The following KDM3B variants were observed in gnomAD, a reference collection of about 807,000 sequenced individuals.
KDM3B encodes lysine-specific demethylase 3B.
KDM3B carries 10 observed loss-of-function variants against 170.0 expected under a neutral mutation model. The ratio of observed to expected loss-of-function variants is 0.06; its 90% CI spans 0.04 to 0.10. The LOEUF is 0.10. Ranked by LOEUF, KDM3B falls within the 10% of genes least tolerant of loss-of-function variation. The pLI, the probability that KDM3B is intolerant of heterozygous loss-of-function variation, is 1.00. For missense variants in KDM3B, 1,394 were observed against 2,195.2 expected (o/e 0.64, Z 7.29); for synonymous variants, 831 against 834.8 (o/e 1.00, Z 0.08).
chr5:138,399,398 C>A (rs1383285469), intron 10 of KDM3B, among the ~76,000 whole-genome samples: 1 of 151,656 alleles, frequency 6.6e-6, no homozygotes, highest in Non-Finnish European at 1.5e-5. Context: ...ATTAGCTGGG[C>A]TTGGTGGCGG....
chr5:138,365,311 A>G (rs1195518000), intron 1 of KDM3B, among the ~76,000 whole-genome samples: 1 of 151,744 alleles, frequency 6.6e-6, no homozygotes, highest in African/African-American at 2.4e-5. Context: ...CCCAGCCTGG[A>G]GTACGATGGG....
intron 1 of KDM3B, among the ~76,000 whole-genome samples, chr5:138,361,671 A>G (rs1290835179): frequency 6.6e-6 from 1 of 152,094 alleles, no homozygotes; most frequent in Non-Finnish European, 1.5e-5. Flanking sequence ...TCCTTCTTTA[A>G]ACTTTTCTTT....
At chr5:138,382,177 G>A (rs1441736677) in intron 6 of KDM3B, among the ~76,000 whole-genome samples, 5 of 152,174 alleles carry the variant, frequency 3.3e-5, no homozygotes, top group Admixed American at 2.6e-4. Context: ...GCCAGGTGCA[G>A]TGGCTCACGC....
intron 11 of KDM3B, among the ~76,000 whole-genome samples, chr5:138,402,805 C>G (rs1199776892): frequency 1.3e-5 from 2 of 152,194 alleles, no homozygotes; most frequent in Admixed American, 6.5e-5. Context: ...GGCACAGTTT[C>G]TAGGCTACAG....
chr5:138,422,974 C>T (rs1763310645), intron 15 of KDM3B, among the ~76,000 whole-genome samples: 1 of 152,130 alleles, frequency 6.6e-6, no homozygotes, highest in African/African-American at 2.4e-5. Context: ...CAGTCTCACT[C>T]TGTTGCCCAA....
intron 2 of KDM3B, 145 bp from the exon 3 acceptor site, chr5:138,374,948 T>C (rs771962934): frequency 3.3e-4 from 186 of 557,644 alleles, no homozygotes; most frequent in Non-Finnish European, 5.2e-4. Context: ...AGGTTGGGAA[T>C]GTTTCCAAGG....
chr5:138,415,361 C>T (rs930182350), intron 12 of KDM3B, 122 bp downstream of exon 12: 7 of 545,586 alleles, frequency 1.3e-5, no homozygotes, highest in Non-Finnish European at 2.3e-5. Flanking sequence ...TCAGATTTCT[C>T]TGAGAATTTG....
Position 138,436,471 on chromosome 5 carries a change from A to G in KDM3B, c.*771A>G, listed in dbSNP as rs1176209088. ...GATTTTTAGAAATCAGCTACCCATT[A>G]TAGCACAAAATCAGCCAAAGCAGAA... On this transcript the variant is annotated 3_prime_UTR_variant, in exon 24 of 24. Transcript: ENST00000314358. The G allele has an allele frequency of 1.3e-5, 2 of 152,256 alleles. No individual in the cohort carries two copies. The highest frequency in any genetic ancestry group is 2.9e-5 in the Non-Finnish European group (2 of 68,052). 9.4% of individuals were successfully genotyped at this position (152,256 alleles called of 1,614,324 possible).
chr5:138,420,976 G>A lies in KDM3B; in HGVS notation c.3972+14G>A, dbSNP rs1288213800. On this transcript the variant is annotated intron_variant, in intron 15 of 23. Transcript: ENST00000314358. The stretch of plus-strand genomic sequence containing the variant: ...ACATCCTCAGCAGTAAGTGTCCTCT[G>A]CAACTGTAGCCTTTTCAGCTTTTCC... 6.2e-7 allele frequency: 1 copy of A among 1,613,404 alleles called. No individual in the cohort carries two copies. The highest frequency in any genetic ancestry group is 8.5e-7 in the Non-Finnish European group (1 of 1,179,522).
Position 138,427,187 on chromosome 5 carries a change from A to G in KDM3B, c.4503-2A>G. 6.2e-7 allele frequency: 1 copy of G among 1,610,768 alleles called. No individual in the cohort carries two copies. Among genetic ancestry groups the G allele is most frequent in the Non-Finnish European group, 8.5e-7 (1 of 1,177,080 alleles). On this transcript the variant is annotated splice_acceptor_variant, in intron 18 of 23. Coordinates refer to ENST00000314358, the MANE Select transcript of KDM3B (RefSeq NM_016604.4). LOFTEE classifies it high-confidence loss of function. Reference sequence around the variant, plus strand: ...TAAGTCATCTTTCCTGCACTTTTATAGGTTTGAAGATCTGATGGAGAACCT... The same window carrying G: ...TAAGTCATCTTTCCTGCACTTTTATGGGTTTGAAGATCTGATGGAGAACCT...
intron 7 of KDM3B, among the ~76,000 whole-genome samples, chr5:138,389,780 CTCTG>C (rs895339071): frequency 2.5e-5 from 3 of 120,250 alleles, no homozygotes; most frequent in South Asian, 2.8e-4. Flanking sequence ...CTCTCTCTCT[CTCTG>C]TGTGTGTGTG....
chr5:138,423,018 C>T (rs1763311644), intron 15 of KDM3B, among the ~76,000 whole-genome samples: 1 of 152,176 alleles, frequency 6.6e-6, no homozygotes, highest in South Asian at 2.1e-4. Context: ...CAGCTCACTG[C>T]AGCCTCCACT....
intron 9 of KDM3B, among the ~76,000 whole-genome samples, chr5:138,394,473 GT>G (rs1169169097): frequency 6.6e-6 from 1 of 152,200 alleles, no homozygotes; most frequent in Non-Finnish European, 1.5e-5. Flanking sequence ...AGAGGCTACA[GT>G]TTTAAACAGG....
intron 15 of KDM3B, among the ~76,000 whole-genome samples, chr5:138,421,781 T>C (rs373044856): frequency 3.1e-4 from 47 of 152,310 alleles, no homozygotes; most frequent in African/African-American, 1.0e-3. Flanking sequence ...CTTCAAGGGC[T>C]TCCTTTTTCT....
At chr5:138,361,128 G>A (rs1202355544) in intron 1 of KDM3B, among the ~76,000 whole-genome samples, 1 of 152,164 alleles carries the variant, frequency 6.6e-6, no homozygotes, top group Non-Finnish European at 1.5e-5. Context: ...CTTCCACAAG[G>A]CCTGGGGGAT....
At chr5:138,354,603 G>T (rs1580868156) in intron 1 of KDM3B, among the ~76,000 whole-genome samples, 1 of 152,130 alleles carries the variant, frequency 6.6e-6, no homozygotes, top group East Asian at 1.9e-4. Flanking sequence ...TCACTTTGTC[G>T]TTTGCTGTGC....
chr5:138,358,894 T>A (rs1761525334), intron 1 of KDM3B, among the ~76,000 whole-genome samples: 2 of 151,620 alleles, frequency 1.3e-5, no homozygotes, highest in South Asian at 4.2e-4. Context: ...CTGCACCCAT[T>A]AACTCGTCAT....
Position 138,379,706 on chromosome 5 carries a change from G to A in KDM3B, c.703G>A (p.Glu235Lys). 1 of 1,613,090 alleles carries A rather than the reference G, an allele frequency of 6.2e-7. No homozygotes were observed. The highest frequency in any genetic ancestry group is 8.5e-7 in the Non-Finnish European group (1 of 1,179,568). Reference protein sequence around the residue: ...ITRLMEVSVTESGEIKSVDPR... With the variant: ...ITRLMEVSVTKSGEIKSVDPR... ...TCGTCTTATGGAGGTGTCTGTAACT[G>A]AGGTGAGACTCTGTGTTATTCTGTC... The change falls in exon 5 of 24, where the codon GAG (glutamate) becomes AAG (lysine). Residue 235 changes from glutamate to lysine, a missense_variant and splice_region_variant. Glu to Lys is a moderately conservative substitution (Grantham distance 56). Coordinates refer to ENST00000314358, the MANE Select transcript of KDM3B (RefSeq NM_016604.4).
chr5:138,388,358 T>C (rs529463213), intron 7 of KDM3B, among the ~76,000 whole-genome samples: 2 of 151,990 alleles, frequency 1.3e-5, no homozygotes, highest in South Asian at 2.1e-4. Flanking sequence ...GAGCCAGGCA[T>C]AGTACAGCTC....
Sources: gnomAD v4.1 joint callset for allele counts (sites outside exome capture counted in the v4.1 genomes callset) on GRCh38, gnomAD v4.1.1 for gene constraint, MANE v1.5 for transcripts, NCBI Gene and HGNC (gene_info 2026-07-23, HGNC 2026-07-21) for gene names.